The following ZNF560 variants were observed in gnomAD, a reference collection of about 807,000 sequenced individuals.
ZNF560 encodes zinc finger protein 560.
In ZNF560, 54 loss-of-function variants were observed where a neutral mutation model predicts 81.8. That is an observed-to-expected ratio of 0.66 (90% CI 0.53 to 0.83). The LOEUF (loss-of-function observed/expected upper bound fraction) is 0.83, where lower values mean the gene tolerates loss of function less well. Ranked by LOEUF, ZNF560 falls within the 40% of genes least tolerant of loss-of-function variation. The probability of loss-of-function intolerance (pLI) is 0.00; values close to 1 mark genes in which losing one functional copy is unlikely to be tolerated. For missense variants in ZNF560, 940 were observed against 932.4 expected, an observed-to-expected ratio of 1.01 and a Z score of -0.11; for synonymous variants, 321 against 317.9, an observed-to-expected ratio of 1.01 and a Z score of -0.10.
At chr19:9,479,489 T>C (rs891404832) in intron 2 of ZNF560, among the ~76,000 whole-genome samples, 8 of 152,108 alleles carry the variant, frequency 5.3e-5, no homozygotes, top group African/African-American at 1.9e-4. Flanking sequence ...TCAAAAACCG[T>C]AACAGGACAC....
chr19:9,480,755 C>T (rs748888400), intron 2 of ZNF560, among the ~76,000 whole-genome samples: 11 of 151,300 alleles, frequency 7.3e-5, no homozygotes, highest in Non-Finnish European at 1.2e-4. Context: ...GCCTGAGCAA[C>T]ATAGCAAGGT....
chr19:9,469,314 T>C, intron 8 of ZNF560, 127 bp from the exon 9 acceptor site: 1 of 699,468 alleles, frequency 1.4e-6, no homozygotes. Flanking sequence ...CAAGTTTTAG[T>C]AATTTTTAAA....
At chr19:9,457,131 C>T in the ZNF560 span, among the ~76,000 whole-genome samples, 1 of 152,206 alleles carries the variant, frequency 6.6e-6, no homozygotes, top group South Asian at 2.1e-4. Flanking sequence ...TCAAAAGGAA[C>T]ATATAGCTCA....
chr19:9,474,823 ATTTTTTTTT>A (rs35450965), intron 3 of ZNF560, among the ~76,000 whole-genome samples: 2 of 85,684 alleles, frequency 2.3e-5, no homozygotes, highest in East Asian at 3.7e-4. Flanking sequence ...CATGCCTGGC[ATTTTTTTTT>A]TTTTTTTTTT....
chr19:9,505,043 T>C, the ZNF560 span, among the ~76,000 whole-genome samples: 1 of 152,110 alleles, frequency 6.6e-6, no homozygotes, highest in Non-Finnish European at 1.5e-5. Context: ...CAAGATTGCA[T>C]CACTGCACTC....
chr19:9,485,439 A>G (rs979599409), intron 2 of ZNF560, among the ~76,000 whole-genome samples: 10 of 151,710 alleles, frequency 6.6e-5, no homozygotes, highest in African/African-American at 2.4e-4. Context: ...TCTTGTCAAC[A>G]GATGCAGAAA....
chr19:9,470,401 A>G lies in ZNF560; in HGVS notation c.439T>C (p.Ser147Pro). The G allele has an allele frequency of 6.2e-7, 1 of 1,612,014 alleles. No homozygotes were observed. The highest frequency in any genetic ancestry group is 8.5e-7 in the Non-Finnish European group (1 of 1,178,986). Residue 147 changes from serine to proline, a missense_variant, in exon 7 of 10, where the codon TCC becomes CCC. Physicochemically the swap from Ser to Pro is moderately conservative, Grantham distance 74 (BLOSUM62 -1). Coordinates refer to ENST00000301480, the MANE Select transcript of ZNF560 (RefSeq NM_152476.3). ...ATGATGCCAGACTTACCTACTGAGG[A>G]CAGGTTCTTGTAGTTCTCCAGCATC... Reference protein sequence around the residue: ...DVMLENYKNLSSVGYQLFKPS... With the variant: ...DVMLENYKNLPSVGYQLFKPS...
Position 9,470,382 on chromosome 19 carries a change from C to T in ZNF560, c.448+10G>A, listed in dbSNP as rs1359691242. On this transcript the variant is annotated intron_variant, in intron 7 of 9. Transcript: ENST00000301480. ...CCAGAATAGGCTACAAGGGATGATG[C>T]CAGACTTACCTACTGAGGACAGGTT... 3 of 1,604,134 alleles carry T rather than the reference C, an allele frequency of 1.9e-6. No individual in the cohort carries two copies. The highest frequency in any genetic ancestry group is 2.6e-6 in the Non-Finnish European group (3 of 1,175,384).
chr19:9,470,735 C>T (rs1195308519), intron 6 of ZNF560, among the ~76,000 whole-genome samples: 2 of 152,190 alleles, frequency 1.3e-5, no homozygotes, highest in African/African-American at 4.8e-5. Flanking sequence ...TACACAGAAA[C>T]TTATCAACCA....
chr19:9,456,117 T>G, the ZNF560 span, among the ~76,000 whole-genome samples: 1 of 152,230 alleles, frequency 6.6e-6, no homozygotes, highest in Admixed American at 6.5e-5. Context: ...AGGGCATTCC[T>G]GGCTCAGACC....
chr19:9,481,750 C>T (rs1025880347), intron 2 of ZNF560, among the ~76,000 whole-genome samples: 9 of 152,086 alleles, frequency 5.9e-5, no homozygotes, highest in African/African-American at 1.7e-4. Context: ...GTTAGAATGG[C>T]GATCATTAAA....
At chr19:9,461,959 A>G (rs562409324), downstream of ZNF560, among the ~76,000 whole-genome samples, 9 of 152,302 alleles carry the variant, frequency 5.9e-5, no homozygotes, top group South Asian at 1.9e-3. Flanking sequence ...ATGCATAAAA[A>G]CACTTGGAGG....
chr19:9,500,394 CAAA>C (rs767714516), upstream of ZNF560, among the ~76,000 whole-genome samples: 1 of 82,666 alleles, frequency 1.2e-5, no homozygotes. Flanking sequence ...AACTTCATCT[CAAA>C]AAAAAAAAAA....
chr19:9,468,168 G>T lies in ZNF560; in HGVS notation c.779C>A (p.Thr260Asn). 1.2e-6 allele frequency: 2 copies of T among 1,614,094 alleles called. No homozygotes were observed. The highest frequency in any genetic ancestry group is 1.3e-5 in the African/African-American group (1 of 75,044). The change falls in exon 10 of 10, where the codon ACC becomes AAC. Residue 260 changes from threonine (T) to asparagine (N), a missense_variant. Coordinates refer to ENST00000301480, the MANE Select transcript of ZNF560 (RefSeq NM_152476.3). Reference sequence around the variant, plus strand: ...ACTGAACACAGAAACTTTCCTTATGGTAGAGGTTTTATTGTATAGAGAAAG... The same window carrying T: ...ACTGAACACAGAAACTTTCCTTATGTTAGAGGTTTTATTGTATAGAGAAAG... ...DLLSLYNKTSTIRKVSVFSKH... is the reference protein window; with the variant it reads ...DLLSLYNKTSNIRKVSVFSKH...
chr19:9,466,543 T>C lies in ZNF560; in HGVS notation c.*31A>G. 1 of 1,535,318 alleles carries C rather than the reference T, an allele frequency of 6.5e-7. No homozygotes were observed. On this transcript the variant is annotated 3_prime_UTR_variant, in exon 10 of 10. Transcript: ENST00000301480. ...GGCTTGAGGAAACAGCAAAGGTTTT[T>C]CCACATTCTTCACATCCACAGGGCT... is the stretch of plus-strand genomic sequence containing the variant.
chr19:9,487,699 T>C (rs949789149), intron 2 of ZNF560, among the ~76,000 whole-genome samples: 2 of 152,150 alleles, frequency 1.3e-5, no homozygotes, highest in African/African-American at 2.4e-5. Flanking sequence ...TTAGATTTCA[T>C]TGGTGCATTT....
chr19:9,474,436 T>C lies in ZNF560; in HGVS notation c.31-111A>G, dbSNP rs2073168557. ...TATAAAGAGTTGTGAGGTCTCTCATTATCTACCCAAAGCTTAATAATCCCA... is the reference window on the plus strand; with the variant it reads ...TATAAAGAGTTGTGAGGTCTCTCATCATCTACCCAAAGCTTAATAATCCCA... On this transcript the variant is annotated intron_variant, in intron 3 of 9. Coordinates refer to ENST00000301480, the MANE Select transcript of ZNF560 (RefSeq NM_152476.3). 6 of 1,226,948 alleles carry C rather than the reference T, an allele frequency of 4.9e-6. No individual in the cohort carries two copies. The Admixed American group carries it at 1.4e-4, about 29-fold the overall frequency. The allele number at this position is 1,226,948 out of a possible 1,614,324, so 76.0% of individuals were successfully genotyped here.
At chr19:9,453,557 G>C in the ZNF560 span, among the ~76,000 whole-genome samples, 1 of 151,926 alleles carries the variant, frequency 6.6e-6, no homozygotes, top group Non-Finnish European at 1.5e-5. Flanking sequence ...TAAACATTGA[G>C]TATAAATTTT....
At chr19:9,459,217 G>A in the ZNF560 span, among the ~76,000 whole-genome samples, 2 of 152,258 alleles carry the variant, frequency 1.3e-5, no homozygotes, top group African/African-American at 4.8e-5. Flanking sequence ...AGTGACTATA[G>A]GACTCCACAC....
Sources: gnomAD v4.1 joint callset for allele counts (sites outside exome capture counted in the v4.1 genomes callset) on GRCh38, gnomAD v4.1.1 for gene constraint, MANE v1.5 for transcripts, NCBI Gene and HGNC (gene_info 2026-07-23, HGNC 2026-07-21) for gene names.